The following TAF3 variants were observed in gnomAD, a reference collection of about 807,000 sequenced individuals.
TAF3 encodes TATA-box binding protein associated factor 3.
In TAF3, 7 loss-of-function variants were observed where a neutral mutation model predicts 80.6. The observed-to-expected ratio is 0.09, with a 90% CI of 0.05 to 0.16. The LOEUF (loss-of-function observed/expected upper bound fraction) is 0.16, where lower values mean the gene tolerates loss of function less well. TAF3 is among the 10% of genes least tolerant of loss of function. TAF3 has a pLI of 1.00. For synonymous variants in TAF3, 444 were observed against 446.1 expected (o/e 1.00, Z 0.06); for missense variants, 921 against 1,140.2 (o/e 0.81, Z 2.77).
chr10:7,910,671 G>A (rs1021879512), intron 2 of TAF3, among the ~76,000 whole-genome samples: 13 of 152,110 alleles, frequency 8.5e-5, no homozygotes, highest in Non-Finnish European at 4.4e-5. Flanking sequence ...GTGAGCCACC[G>A]CACCCAGCCT....
intron 2 of TAF3, among the ~76,000 whole-genome samples, chr10:7,893,994 A>G (rs1425535241): frequency 9.2e-5 from 14 of 152,156 alleles, no homozygotes; most frequent in Non-Finnish European, 1.0e-4. Context: ...AGTAGGTACA[A>G]AACTCAAGTT....
intron 2 of TAF3, among the ~76,000 whole-genome samples, chr10:7,952,005 C>A (rs1375687344): frequency 2.0e-5 from 3 of 152,124 alleles, no homozygotes; most frequent in Non-Finnish European, 4.4e-5. Flanking sequence ...TAGTTTCATC[C>A]CTACAGAACA....
rs56395044 is a variant in TAF3 at position 7,988,752 on chromosome 10, G to GAAAAAAAAA, written c.2315+11440_2315+11448dup. On this transcript the variant is annotated intron_variant, in intron 4 of 6. Coordinates refer to ENST00000344293, the MANE Select transcript of TAF3 (RefSeq NM_031923.4). ...CAATAGAGTGAGATTCTGTCTCTCA[G>GAAAAAAAAA]AAAAAAAAAAAAAAAAAAATCAAGA... Among the ~76,000 whole-genome samples, 322 of 92,808 alleles carry GAAAAAAAAA rather than the reference G, an allele frequency of 3.5e-3. 14 individuals are homozygous for GAAAAAAAAA. The highest frequency in any genetic ancestry group is 0.013 in the African/African-American group (261 of 19,548). The allele number at this position is 92,808 out of a possible 152,430, so 60.9% of individuals were successfully genotyped here.
At chr10:8,006,845 G>A (rs1312291271) in intron 4 of TAF3, among the ~76,000 whole-genome samples, 2 of 152,238 alleles carry the variant, frequency 1.3e-5, no homozygotes, top group African/African-American at 2.4e-5. Flanking sequence ...GGGGCCGGCA[G>A]TTCCCATCTG....
At chr10:7,893,865 C>G (rs867442716) in intron 2 of TAF3, among the ~76,000 whole-genome samples, 67 of 152,166 alleles carry the variant, frequency 4.4e-4, no homozygotes, top group Admixed American at 1.8e-3. Context: ...TTTAATATTT[C>G]TATATACCCA....
intron 2 of TAF3, among the ~76,000 whole-genome samples, chr10:7,864,930 A>G (rs149146741): frequency 6.6e-6 from 1 of 151,624 alleles, no homozygotes; most frequent in African/African-American, 2.4e-5. Flanking sequence ...GAAGTTTTAT[A>G]GTTTTAGGTT....
In TAF3 at chr10:7,964,171, A is replaced by G. The variant is rs1429518724; in HGVS notation, c.661A>G (p.Thr221Ala). 6.2e-7 allele frequency: 1 copy of G among 1,614,152 alleles called. No homozygotes were observed. Among genetic ancestry groups the G allele is most frequent in the Non-Finnish European group, 8.5e-7 (1 of 1,180,024 alleles). ...TCGAGAGCCACTCAGCTCAATAAAT[A>G]CTCAAAAGATCCCACCAATGCTTTC... is the stretch of plus-strand genomic sequence containing the variant. ...EAREPLSSIN[T>A]QKIPPMLSPV... Residue 221 changes from threonine (T) to alanine (A), a missense_variant, in exon 3 of 7, where the codon ACT becomes GCT. Physicochemically the swap from Thr to Ala is moderately conservative, Grantham distance 58 (BLOSUM62 0). Coordinates refer to ENST00000344293, the MANE Select transcript of TAF3 (RefSeq NM_031923.4). This position sits in a 1 kb window ranked among gnomAD's most constrained non-coding sequence, Gnocchi z 4.1.
intron 2 of TAF3, among the ~76,000 whole-genome samples, chr10:7,958,555 A>G (rs903511217): frequency 1.7e-4 from 26 of 152,178 alleles, no homozygotes; most frequent in Admixed American, 8.5e-4. Context: ...AACTACCTAC[A>G]AATATGGTAA....
intron 2 of TAF3, among the ~76,000 whole-genome samples, chr10:7,860,282 A>G (rs554111856): frequency 4.3e-4 from 66 of 151,954 alleles, no homozygotes; most frequent in African/African-American, 1.5e-3. Flanking sequence ...TCTGGAAAAA[A>G]AAAAGAAGAA....
chr10:7,965,845 C>A, intron 3 of TAF3, 103 bp downstream of exon 3: 1 of 1,374,872 alleles, frequency 7.3e-7, no homozygotes, highest in Non-Finnish European at 9.4e-7. Flanking sequence ...GTAAATCACC[C>A]ATCACTTAAG....
chr10:7,847,484 G>T (rs548328625), intron 2 of TAF3, among the ~76,000 whole-genome samples: 35 of 152,290 alleles, frequency 2.3e-4, no homozygotes, highest in African/African-American at 7.9e-4. Context: ...TTGCCCTGTC[G>T]TACAGGCTGG....
intron 2 of TAF3, among the ~76,000 whole-genome samples, chr10:7,863,927 C>G (rs1354773377): frequency 1.3e-5 from 2 of 151,596 alleles, no homozygotes; most frequent in Admixed American, 6.6e-5. Flanking sequence ...TAACAATAGA[C>G]TTAATATTTT....
At chr10:7,985,271 A>C (rs150107370) in intron 4 of TAF3, among the ~76,000 whole-genome samples, 1 of 152,308 alleles carries the variant, frequency 6.6e-6, no homozygotes, top group African/African-American at 2.4e-5. Flanking sequence ...CTTGTCGTCC[A>C]GGCTCTAGGA....
chr10:7,954,324 G>A (rs911817570), intron 2 of TAF3, among the ~76,000 whole-genome samples: 3 of 134,324 alleles, frequency 2.2e-5, no homozygotes, highest in African/African-American at 5.3e-5. Context: ...CTCCATAGGC[G>A]AATGAGTGAA....
At chr10:7,933,697 G>A (rs1837890413) in intron 2 of TAF3, among the ~76,000 whole-genome samples, 1 of 152,194 alleles carries the variant, frequency 6.6e-6, no homozygotes, top group South Asian at 2.1e-4. Context: ...GGTCTCTAGT[G>A]ATGATTCTTT....
intron 2 of TAF3, among the ~76,000 whole-genome samples, chr10:7,959,064 C>G (rs2131408779): frequency 6.6e-6 from 1 of 152,040 alleles, no homozygotes; most frequent in South Asian, 2.1e-4. Context: ...GCCGTGAACC[C>G]AGGAGGCGGA....
chr10:8,006,718 A>G (rs544816820), intron 4 of TAF3, among the ~76,000 whole-genome samples: 1 of 152,228 alleles, frequency 6.6e-6, no homozygotes, highest in Admixed American at 6.5e-5. Context: ...AATAGCAAAG[A>G]GTCAGTGCCT....
intron 2 of TAF3, among the ~76,000 whole-genome samples, chr10:7,888,278 GC>G (rs764127265): frequency 5.9e-5 from 9 of 152,058 alleles, no homozygotes; most frequent in Non-Finnish European, 1.3e-4. Context: ...ACCTTCCTAA[GC>G]TTTCCTCACT....
chr10:7,846,963 C>CT (rs1313206361), intron 2 of TAF3, among the ~76,000 whole-genome samples: 2 of 152,130 alleles, frequency 1.3e-5, no homozygotes, highest in African/African-American at 4.8e-5. Flanking sequence ...TTAAAAAGGA[C>CT]TGGAAACACC....
Sources: allele counts gnomAD v4.1 joint callset (sites outside exome capture counted in the v4.1 genomes callset), GRCh38; gene constraint gnomAD v4.1.1; non-coding constraint Gnocchi (gnomAD v3.1); transcripts MANE v1.5; gene names NCBI Gene and HGNC (gene_info 2026-07-23, HGNC 2026-07-21).